Variants in CACNA1D observed in about 807,000 individuals in gnomAD.
CACNA1D encodes the protein calcium voltage-gated channel subunit alpha1 D, also known as voltage-dependent L-type calcium channel subunit alpha-1D.
In CACNA1D, 55 loss-of-function variants were observed where a neutral mutation model predicts 257.1. That is an observed-to-expected ratio of 0.21 (90% CI 0.17 to 0.27). The LOEUF is 0.27. CACNA1D is among the 10% of genes least tolerant of loss of function. The pLI is 1.00. For synonymous variants in CACNA1D, 980 were observed against 1,014.9 expected (o/e 0.97, Z 0.65); for missense variants, 1,876 against 2,784.0 (o/e 0.67, Z 7.34).
intron 8 of CACNA1D, among the ~76,000 whole-genome samples, chr3:53,687,995 T>G (rs903480240): frequency 6.6e-6 from 1 of 152,218 alleles, no homozygotes; most frequent in Non-Finnish European, 1.5e-5. Context: ...AAACATAAAA[T>G]GATACAACTA....
At chr3:53,607,263 C>T (rs770679004) in intron 3 of CACNA1D, among the ~76,000 whole-genome samples, 1 of 152,182 alleles carries the variant, frequency 6.6e-6, no homozygotes, top group Non-Finnish European at 1.5e-5. Context: ...CCTGGTGATA[C>T]ACCTGTGAAC....
chr3:53,766,577 G>A (rs1380478529), intron 30 of CACNA1D, among the ~76,000 whole-genome samples: 1 of 152,230 alleles, frequency 6.6e-6, no homozygotes, highest in African/African-American at 2.4e-5. Flanking sequence ...GAACCTCAGG[G>A]TCTTTTTGAC....
chr3:53,754,703 C>T lies in CACNA1D; in HGVS notation c.3786+1021C>T, dbSNP rs116563360. On this transcript the variant is annotated intron_variant, in intron 29 of 47. Coordinates refer to ENST00000350061, the MANE Select transcript of CACNA1D (RefSeq NM_001128840.3). ...GGATATTTGGCCCTCATTTTCTTTC[C>T]CAGTACAGCCAAAAACTCTCAGAGT... Among the ~76,000 whole-genome samples the T allele has an allele frequency of 9.0e-3, 1,368 of 152,254 alleles. 16 individuals are homozygous for T. The highest frequency in any genetic ancestry group is 0.03 in the African/African-American group (1,251 of 41,538).
rs312479 is a variant in CACNA1D at position 53,494,986 on chromosome 3, T to A, written c.-181T>A. 0.94 allele frequency: 375,299 copies of A among 401,344 alleles called. 176,013 individuals are homozygous for A. The highest frequency in any genetic ancestry group is 1 in the East Asian group (18,260 of 18,308). 24.9% of individuals were successfully genotyped at this position (401,344 alleles called of 1,614,324 possible). A position where few individuals can be genotyped will look rare whatever the true frequency, so the allele number is the denominator to read the frequency against. ...CTTGGGTGGCGAGCGGTTTTTTTTT[T>A]AAATCAATTATCCTTATTTTCTGTT... On this transcript the variant is annotated 5_prime_UTR_variant, in exon 1 of 48. Transcript: ENST00000350061.
At chr3:53,810,770 A>AC (rs2095594912) in intron 47 of CACNA1D, among the ~76,000 whole-genome samples, 2 of 146,616 alleles carry the variant, frequency 1.4e-5, no homozygotes, top group Non-Finnish European at 1.5e-5. Flanking sequence ...AAAAAAAAAA[A>AC]AAAAAAAAAA....
At chr3:53,764,562 C>A (rs924954565) in intron 30 of CACNA1D, among the ~76,000 whole-genome samples, 1 of 152,230 alleles carries the variant, frequency 6.6e-6, no homozygotes, top group Non-Finnish European at 1.5e-5. Context: ...AGCTTTCTCA[C>A]GCCTGACCTG....
chr3:53,528,396 T>C (rs2091836526), intron 3 of CACNA1D, among the ~76,000 whole-genome samples: 1 of 152,248 alleles, frequency 6.6e-6, no homozygotes, highest in African/African-American at 2.4e-5. Context: ...CATTTGTCTT[T>C]ATGCTATCTC....
chr3:53,710,417 T>C, intron 9 of CACNA1D: 1 of 456,700 alleles, frequency 2.2e-6, no homozygotes, highest in Non-Finnish European at 4.4e-6. Context: ...CCGACTTGCT[T>C]AAAGAGGATA....
chr3:53,639,995 G>T (rs897566274), intron 3 of CACNA1D, among the ~76,000 whole-genome samples: 1 of 151,648 alleles, frequency 6.6e-6, no homozygotes, highest in Admixed American at 6.6e-5. Flanking sequence ...CCAAGTAGCT[G>T]GGATTACAGA....
At chr3:53,683,572 G>A (rs770890567) in intron 8 of CACNA1D, among the ~76,000 whole-genome samples, 3 of 152,162 alleles carry the variant, frequency 2.0e-5, no homozygotes, top group South Asian at 2.1e-4. Flanking sequence ...AAATATTCAC[G>A]ATCAAGGAGG....
At chr3:53,536,471 C>A (rs1348803159) in intron 3 of CACNA1D, among the ~76,000 whole-genome samples, 1 of 152,036 alleles carries the variant, frequency 6.6e-6, no homozygotes, top group African/African-American at 2.4e-5. Context: ...TGGGAACTAC[C>A]AGGTTAAAAG....
intron 3 of CACNA1D, among the ~76,000 whole-genome samples, chr3:53,516,038 A>G (rs1253175732): frequency 1.3e-5 from 2 of 152,158 alleles, no homozygotes; most frequent in African/African-American, 4.8e-5. Flanking sequence ...TGAACAAATG[A>G]TCTCACCTCC....
chr3:53,654,811 GA>G (rs1240667973), intron 4 of CACNA1D, among the ~76,000 whole-genome samples: 2 of 151,808 alleles, frequency 1.3e-5, no homozygotes, highest in Non-Finnish European at 2.9e-5. Flanking sequence ...CACTAAAAAA[GA>G]AAATCCCAGG....
intron 3 of CACNA1D, among the ~76,000 whole-genome samples, chr3:53,522,600 T>C (rs1377012864): frequency 6.6e-6 from 1 of 152,232 alleles, no homozygotes; most frequent in African/African-American, 2.4e-5. Flanking sequence ...GATGAATTGA[T>C]CTACTCTTTG....
intron 26 of CACNA1D, 109 bp downstream of exon 26, chr3:53,747,557 C>G: frequency 5.9e-6 from 7 of 1,196,442 alleles, no homozygotes; most frequent in Non-Finnish European, 8.6e-6. Flanking sequence ...GCAGGATTGC[C>G]CTGTGGCTTT....
intron 3 of CACNA1D, among the ~76,000 whole-genome samples, chr3:53,636,374 G>T (rs534136526): frequency 4.1e-4 from 63 of 152,310 alleles, no homozygotes; most frequent in Non-Finnish European, 8.5e-4. Context: ...TGCAATCTCG[G>T]CTCACTGCAA....
At chr3:53,805,198 T>G in intron 45 of CACNA1D, 52 bp downstream of exon 45, 1 of 1,565,562 alleles carries the variant, frequency 6.4e-7, no homozygotes, top group South Asian at 1.1e-5. Flanking sequence ...ACAGTGTACC[T>G]CTCCCCCAAC....
At chr3:53,663,646 G>A (rs1375244485) in intron 5 of CACNA1D, among the ~76,000 whole-genome samples, 13 of 152,146 alleles carry the variant, frequency 8.5e-5, no homozygotes, top group Non-Finnish European at 1.9e-4. Flanking sequence ...CTTCTATTAG[G>A]TTGGTGTGAA....
intron 40 of CACNA1D, among the ~76,000 whole-genome samples, chr3:53,796,647 G>GT (rs1054532353): frequency 2.6e-5 from 4 of 152,028 alleles, no homozygotes; most frequent in Admixed American, 6.6e-5. Flanking sequence ...AGACATTTTA[G>GT]TTTTTTTTGG....
Sources: allele counts gnomAD v4.1 joint callset (sites outside exome capture counted in the v4.1 genomes callset), GRCh38; gene constraint gnomAD v4.1.1; transcripts MANE v1.5; gene names NCBI Gene and HGNC (gene_info 2026-07-23, HGNC 2026-07-21).